The following PKIA variants were observed in gnomAD, a reference collection of about 807,000 sequenced individuals.
The protein encoded by PKIA is PKI-alpha.
In PKIA, 4 loss-of-function variants were observed where a neutral mutation model predicts 7.6. That is an observed-to-expected ratio of 0.52 (90% CI 0.26 to 1.20). The LOEUF (loss-of-function observed/expected upper bound fraction) is 1.20. Ranked by LOEUF, PKIA falls within the 50% of genes most tolerant of loss-of-function variation. The probability of loss-of-function intolerance (pLI) is 0.13; values close to 1 mark genes in which losing one functional copy is unlikely to be tolerated. For missense variants in PKIA, 73 were observed against 86.2 expected, an observed-to-expected ratio of 0.85 and a Z score of 0.61; for synonymous variants, 21 against 30.7, an observed-to-expected ratio of 0.68 and a Z score of 1.04.
chr8:78,527,872 T>C (rs1438424204), intron 1 of PKIA, among the ~76,000 whole-genome samples: 3 of 152,120 alleles, frequency 2.0e-5, no homozygotes, highest in Non-Finnish European at 2.9e-5. Context: ...GCATAATAAA[T>C]TATTTTGTAC....
chr8:78,601,774 G>T lies in PKIA; in HGVS notation c.184G>T (p.Glu62Ter). The change falls in exon 4 of 4, where the codon GAA (glutamate) becomes TAA (stop). Residue 62 changes from glutamate to a stop codon, truncating the protein, a stop_gained. Transcript: ENST00000396418. LOFTEE classifies it high-confidence loss of function. ...GEEDAQRSSTEQSGEAQGEAA... is the reference protein window; with the variant it reads ...GEEDAQRSST ...AGAAGATGCACAACGAAGTTCTACA[G>T]AACAAAGTGGGGAAGCCCAGGGAGA... 6.2e-7 allele frequency: 1 copy of T among 1,612,398 alleles called. No homozygotes were observed. The highest frequency in any genetic ancestry group is 1.1e-5 in the South Asian group (1 of 91,010).
chr8:78,519,981 A>G (rs997327789), intron 1 of PKIA, among the ~76,000 whole-genome samples: 13 of 152,114 alleles, frequency 8.5e-5, no homozygotes, highest in African/African-American at 1.4e-4. Context: ...AGCACATTCT[A>G]TTTTGGGTTA....
At chr8:78,581,921 T>C (rs1413837870) in intron 2 of PKIA, among the ~76,000 whole-genome samples, 1 of 152,106 alleles carries the variant, frequency 6.6e-6, no homozygotes, top group Non-Finnish European at 1.5e-5. Context: ...CAGGGCATTG[T>C]GTTGACAGCT....
intron 2 of PKIA, among the ~76,000 whole-genome samples, chr8:78,596,717 G>A (rs1056200958): frequency 1.3e-5 from 2 of 152,032 alleles, no homozygotes; most frequent in Non-Finnish European, 2.9e-5. Flanking sequence ...ATTCTTTTTG[G>A]AGTCTTTGAC....
At chr8:78,546,230 T>A (rs1003248963) in intron 1 of PKIA, among the ~76,000 whole-genome samples, 2 of 152,220 alleles carry the variant, frequency 1.3e-5, no homozygotes, top group Non-Finnish European at 2.9e-5. Context: ...GCAAAATTGC[T>A]TCCCCTGAGA....
rs1563573979 is a variant in PKIA, at chr8:78,545,218, CCA to C, written c.-156-27592_-156-27591del. On this transcript the variant is annotated intron_variant, in intron 1 of 3. Transcript: ENST00000396418. ...TAGTAATGCTTTTGTTTTTCCAACC[CCA>C]GTCTTTGGAGAAAATGTTGGGACTA... Among the ~76,000 whole-genome samples, 5 of 151,844 alleles carry C rather than the reference CCA, an allele frequency of 3.3e-5. No homozygotes were observed. The South Asian group carries it at 1.0e-3, about 32-fold the overall frequency.
At chr8:78,586,896 AGTT>A (rs1349450433) in intron 2 of PKIA, among the ~76,000 whole-genome samples, 4 of 152,140 alleles carry the variant, frequency 2.6e-5, no homozygotes, top group African/African-American at 7.2e-5. Flanking sequence ...GTTTTGAGAG[AGTT>A]GTTAAGAAAT....
intron 1 of PKIA, among the ~76,000 whole-genome samples, chr8:78,545,771 A>G (rs1034737083): frequency 6.6e-6 from 1 of 152,122 alleles, no homozygotes; most frequent in African/African-American, 2.4e-5. Flanking sequence ...CCTCTATGAT[A>G]CTATATATAA....
rs113514394 is a variant in PKIA, at chr8:78,546,132, A to G, written c.-156-26679A>G. ...ATCCATGGCTTTGTCGAATACATCAACTAATACATTGAAACTGCTAATTGT... is the reference window on the plus strand; with the variant it reads ...ATCCATGGCTTTGTCGAATACATCAGCTAATACATTGAAACTGCTAATTGT... On this transcript the variant is annotated intron_variant, in intron 1 of 3. Coordinates refer to ENST00000396418, the MANE Select transcript of PKIA (RefSeq NM_006823.4). Among the ~76,000 whole-genome samples, 143 of 152,342 alleles carry G rather than the reference A, an allele frequency of 9.4e-4. 2 individuals carry two copies. The highest frequency in any genetic ancestry group is 6.8e-3 in the Middle Eastern group (2 of 294).
chr8:78,529,751 T>C (rs1032867796), intron 1 of PKIA, among the ~76,000 whole-genome samples: 1 of 152,008 alleles, frequency 6.6e-6, no homozygotes, highest in Non-Finnish European at 1.5e-5. Flanking sequence ...ATAATTTTTT[T>C]TGTAAAATGT....
intron 1 of PKIA, among the ~76,000 whole-genome samples, chr8:78,528,402 C>T (rs925958334): frequency 6.6e-6 from 1 of 152,046 alleles, no homozygotes; most frequent in African/African-American, 2.4e-5. Context: ...TTTTCTTCCG[C>T]TTTATAACTG....
chr8:78,522,626 CA>C (rs967240816), intron 1 of PKIA, among the ~76,000 whole-genome samples: 2 of 151,850 alleles, frequency 1.3e-5, no homozygotes, highest in African/African-American at 4.8e-5. Context: ...ATGCTATACA[CA>C]AGTATTGAGA....
At chr8:78,582,568 C>T (rs1263051320) in intron 2 of PKIA, among the ~76,000 whole-genome samples, 1 of 152,066 alleles carries the variant, frequency 6.6e-6, no homozygotes, top group Non-Finnish European at 1.5e-5. Flanking sequence ...GAACACAAAG[C>T]CAAACTGTAT....
chr8:78,531,578 A>G (rs1009838147), intron 1 of PKIA, among the ~76,000 whole-genome samples: 11 of 152,224 alleles, frequency 7.2e-5, no homozygotes, highest in African/African-American at 2.4e-4. Flanking sequence ...CATTATTATT[A>G]CCTTTTTGAC....
chr8:78,602,694 A>AATATATATATATATATATATAT lies in PKIA; in HGVS notation c.*893_*894insATATATATATATATATATATAT, dbSNP rs34597437. On this transcript the variant is annotated 3_prime_UTR_variant, in exon 4 of 4. Transcript: ENST00000396418. ...CTCAAGTGGAGAACTTCTCCCACAT[A>AATATATATATATATATATATAT]ATATATATATATATATATATTTTAA... 2.7e-3 allele frequency: 370 copies of AATATATATATATATATATATAT among 136,852 alleles called. 2 individuals carry two copies. The highest frequency in any genetic ancestry group is 8.8e-3 in the African/African-American group (315 of 35,700). The allele number at this position is 136,852 out of a possible 1,614,324, so 8.5% of individuals were successfully genotyped here.
At chr8:78,569,995 C>T (rs1371426255) in intron 1 of PKIA, among the ~76,000 whole-genome samples, 3 of 151,896 alleles carry the variant, frequency 2.0e-5, no homozygotes, top group African/African-American at 7.3e-5. Flanking sequence ...GAGAGGAAAA[C>T]ATAGGCTTAG....
At chr8:78,551,774 T>C (rs1417852786) in intron 1 of PKIA, among the ~76,000 whole-genome samples, 1 of 151,972 alleles carries the variant, frequency 6.6e-6, no homozygotes, top group Non-Finnish European at 1.5e-5. Flanking sequence ...GTCATTGAGA[T>C]GGAAGTTAGT....
chr8:78,565,065 T>C (rs1807370827), intron 1 of PKIA, among the ~76,000 whole-genome samples: 1 of 151,928 alleles, frequency 6.6e-6, no homozygotes, highest in Non-Finnish European at 1.5e-5. Flanking sequence ...TCTCTGATTA[T>C]TACGTCTTAC....
chr8:78,586,104 C>G (rs573401302), intron 2 of PKIA, among the ~76,000 whole-genome samples: 1 of 152,136 alleles, frequency 6.6e-6, no homozygotes, highest in Admixed American at 6.5e-5. Flanking sequence ...CCCTTATTCT[C>G]AGGGCCTACC....
Sources: allele counts gnomAD v4.1 joint callset (sites outside exome capture counted in the v4.1 genomes callset), GRCh38; gene constraint gnomAD v4.1.1; transcripts MANE v1.5; gene names NCBI Gene and HGNC (gene_info 2026-07-23, HGNC 2026-07-21).